SULF2: variants seen among roughly 807,000 people sequenced by gnomAD.
SULF2 encodes extracellular sulfatase Sulf-2.
A neutral mutation model predicts 107.7 loss-of-function variants in SULF2; 52 were observed. The ratio of observed to expected loss-of-function variants is 0.48; its 90% CI spans 0.39 to 0.61. The LOEUF is 0.61. Among genes scored for constraint, SULF2 ranks in the 20% least tolerant of loss-of-function variants. SULF2 has a pLI of 0.00. For synonymous variants in SULF2, 460 were observed against 464.3 expected, an observed-to-expected ratio of 0.99 and a Z score of 0.12; for missense variants, 993 against 1,177.3, an observed-to-expected ratio of 0.84 and a Z score of 2.29.
chr20:47,671,001 C>T (rs2087451559), intron 11 of SULF2, among the ~76,000 whole-genome samples: 1 of 151,920 alleles, frequency 6.6e-6, no homozygotes, highest in African/African-American at 2.4e-5. Flanking sequence ...CGGCGGACCC[C>T]GACGCCTCCA....
At chr20:47,745,811 T>C (rs1240717681) in intron 2 of SULF2, among the ~76,000 whole-genome samples, 1 of 151,988 alleles carries the variant, frequency 6.6e-6, no homozygotes, top group Non-Finnish European at 1.5e-5. Context: ...ATTACAGGAG[T>C]GAGCCACTGT....
chr20:47,719,618 C>T (rs2089228781), intron 3 of SULF2, among the ~76,000 whole-genome samples: 3 of 152,218 alleles, frequency 2.0e-5, no homozygotes, highest in Non-Finnish European at 4.4e-5. Context: ...CTGAAGTACC[C>T]TCAACTCCAC....
intron 3 of SULF2, among the ~76,000 whole-genome samples, chr20:47,731,179 TA>T (rs2089591360): frequency 7.9e-6 from 1 of 126,124 alleles, no homozygotes; most frequent in Admixed American, 8.1e-5. Flanking sequence ...TACTCACCTG[TA>T]TCTTCTCTTT....
At chr20:47,758,013 C>T (rs1009139291) in intron 1 of SULF2, among the ~76,000 whole-genome samples, 2 of 152,108 alleles carry the variant, frequency 1.3e-5, no homozygotes, top group African/African-American at 4.8e-5. Context: ...CACTCACTGG[C>T]TCAGTTTTCC....
In SULF2 at chr20:47,658,347, C is replaced by T. The variant is rs1247782068; in HGVS notation, c.*15G>A. 1.2e-6 allele frequency: 2 copies of T among 1,614,012 alleles called. No individual in the cohort carries two copies. Among genetic ancestry groups the T allele is most frequent in the Non-Finnish European group, 1.7e-6 (2 of 1,179,906 alleles). ...TGATGCCTCTATGTTTTTGGAGGTC[C>T]ACCTCTGTTGTTTCTTAACCTTCCC... On this transcript the variant is annotated 3_prime_UTR_variant, in exon 21 of 21. Coordinates refer to ENST00000688720, the MANE Select transcript of SULF2 (RefSeq NM_001387048.1).
intron 3 of SULF2, among the ~76,000 whole-genome samples, chr20:47,705,340 G>T (rs1046695983): frequency 6.6e-6 from 1 of 152,188 alleles, no homozygotes; most frequent in Non-Finnish European, 1.5e-5. Flanking sequence ...AGGAGGAGGC[G>T]GGGAACCGGC....
chr20:47,773,684 T>C (rs2090672996), intron 1 of SULF2, among the ~76,000 whole-genome samples: 1 of 152,288 alleles, frequency 6.6e-6, no homozygotes, highest in African/African-American at 2.4e-5. Context: ...TACAAAGTTA[T>C]TTCTGCAAAA....
chr20:47,722,441 T>C (rs1281396361), intron 3 of SULF2, among the ~76,000 whole-genome samples: 2 of 152,060 alleles, frequency 1.3e-5, no homozygotes, highest in East Asian at 2.0e-4. Context: ...TTAAAATTAT[T>C]TGTAGAGACA....
At chr20:47,688,461 G>A (rs1283161697) in intron 5 of SULF2, among the ~76,000 whole-genome samples, 1 of 152,178 alleles carries the variant, frequency 6.6e-6, no homozygotes, top group East Asian at 1.9e-4. Flanking sequence ...TGAAATTCCG[G>A]CACCGCTCGC....
At chr20:47,695,058 G>C (rs1189342766) in intron 4 of SULF2, among the ~76,000 whole-genome samples, 2 of 152,212 alleles carry the variant, frequency 1.3e-5, no homozygotes, top group Non-Finnish European at 2.9e-5. Flanking sequence ...GTGGTTTAGA[G>C]CAAGTATGCA....
chr20:47,784,504 T>G (rs938821194), intron 1 of SULF2, among the ~76,000 whole-genome samples: 6 of 151,814 alleles, frequency 4.0e-5, no homozygotes, highest in African/African-American at 1.5e-4. Context: ...GAGGCCAGTG[T>G]GCAAACTAGG....
rs1481574047 is a variant in SULF2, at chr20:47,757,406, G to A, written c.-43C>T. ...CTGGTGCTTCTTTTGGGATGCGGGA[G>A]TCTCAAGTTGCGTCTGTGGCTTTGT... is the stretch of plus-strand genomic sequence containing the variant. On this transcript the variant is annotated 5_prime_UTR_variant, in exon 2 of 21. Transcript: ENST00000688720. The A allele has an allele frequency of 2.6e-6, 4 of 1,527,252 alleles. No homozygotes were observed. Among genetic ancestry groups the A allele is most frequent in the East Asian group, 2.4e-5 (1 of 41,222 alleles). 94.6% of individuals were successfully genotyped at this position (1,527,252 alleles called of 1,614,324 possible). A position where few individuals can be genotyped will look rare whatever the true frequency, so the allele number is the denominator to read the frequency against.
Position 47,735,887 on chromosome 20 carries a change from C to G in SULF2, c.415+816G>C, listed in dbSNP as rs534035863. Among the ~76,000 whole-genome samples the G allele has an allele frequency of 2.3e-3, 348 of 152,238 alleles. 2 individuals are homozygous for G. Among genetic ancestry groups the G allele is most frequent in the Non-Finnish European group, 1.4e-3 (97 of 68,020 alleles). ...AGTCCATCCTTCCCTTGCGGCACTC[C>G]CACCCAAACAAACCCCTTGTCACTT... On this transcript the variant is annotated intron_variant, in intron 3 of 20. Transcript: ENST00000688720.
At chr20:47,736,638 C>G (rs2089736422) in intron 3 of SULF2, 65 bp downstream of exon 3, 7 of 1,595,978 alleles carry the variant, frequency 4.4e-6, no homozygotes, top group Non-Finnish European at 6.0e-6. Context: ...GGTGTGCAGA[C>G]CACACCTAGG....
At chr20:47,735,191 G>A (rs62201704) in intron 3 of SULF2, among the ~76,000 whole-genome samples, 15,623 of 152,058 alleles carry the variant, frequency 0.1, 831 homozygotes, top group African/African-American at 0.13. Flanking sequence ...GGATTGATGA[G>A]AACAGGTCTA....
chr20:47,717,438 C>A (rs1349961626), intron 3 of SULF2, among the ~76,000 whole-genome samples: 3 of 152,186 alleles, frequency 2.0e-5, no homozygotes, highest in African/African-American at 7.2e-5. Context: ...CTCCAGCGAC[C>A]ACAGACTGGA....
chr20:47,679,103 C>A (rs2087744065), intron 7 of SULF2, among the ~76,000 whole-genome samples: 1 of 151,668 alleles, frequency 6.6e-6, no homozygotes, highest in African/African-American at 2.4e-5. Context: ...GAAGGCGACC[C>A]CCCCTTTACA....
intron 3 of SULF2, among the ~76,000 whole-genome samples, chr20:47,721,818 T>C (rs2089305004): frequency 6.6e-6 from 1 of 152,204 alleles, no homozygotes; most frequent in South Asian, 2.1e-4. Flanking sequence ...ATGAGGCTCT[T>C]TCTAGCTCTG....
intron 1 of SULF2, among the ~76,000 whole-genome samples, chr20:47,772,310 C>T (rs1361072959): frequency 6.6e-6 from 1 of 152,200 alleles, no homozygotes; most frequent in African/African-American, 2.4e-5. Flanking sequence ...GGCCTCTGTC[C>T]ATGAGATGCA....
Sources: gnomAD v4.1 joint callset for allele counts (sites outside exome capture counted in the v4.1 genomes callset) on GRCh38, gnomAD v4.1.1 for gene constraint, MANE v1.5 for transcripts, NCBI Gene and HGNC (gene_info 2026-07-23, HGNC 2026-07-21) for gene names.